SUPT3H: variants seen among roughly 807,000 people sequenced by gnomAD.
SUPT3H encodes transcription initiation protein SPT3 homolog.
SUPT3H carries 44 observed loss-of-function variants against 44.3 expected under a neutral mutation model. The observed-to-expected ratio is 0.99, with a 90% confidence interval of 0.78 to 1.28. The LOEUF is 1.28. SUPT3H is among the 50% of genes most tolerant of loss of function. The probability of loss-of-function intolerance (pLI) is 0.00; values close to 1 mark genes in which losing one functional copy is unlikely to be tolerated. For synonymous variants in SUPT3H, 124 were observed against 125.6 expected (o/e 0.99, Z 0.09); for missense variants, 380 against 387.1 (o/e 0.98, Z 0.15).
chr6:44,813,078 A>G (rs1039132600), intron 11 of SUPT3H, among the ~76,000 whole-genome samples: 1 of 152,018 alleles, frequency 6.6e-6, no homozygotes, highest in Non-Finnish European at 1.5e-5. Flanking sequence ...CTCAGCTGAG[A>G]CCCTAGGGAT....
chr6:44,993,057 G>C (rs1254508830), intron 6 of SUPT3H, among the ~76,000 whole-genome samples: 1 of 152,074 alleles, frequency 6.6e-6, no homozygotes, highest in Non-Finnish European at 1.5e-5. Flanking sequence ...CAACTACTTG[G>C]GAGGCTCAGG....
rs1791765333 is a variant in SUPT3H at position 45,060,181 on chromosome 6, T to C, written c.187-39549A>G. On this transcript the variant is annotated intron_variant, in intron 3 of 10. Coordinates refer to ENST00000371459, the MANE Select transcript of SUPT3H (RefSeq NM_003599.4). Reference sequence around the variant, plus strand: ...AAGAACAAAGCTGAAGGCATCATGCTACCTGACTTCAAACTATATTACAAG... The same window carrying C: ...AAGAACAAAGCTGAAGGCATCATGCCACCTGACTTCAAACTATATTACAAG... Among the ~76,000 whole-genome samples, 3 of 152,142 alleles carry C rather than the reference T, an allele frequency of 2.0e-5. No homozygotes were observed. In the South Asian group the frequency reaches 6.2e-4, roughly 31 times the overall value.
At chr6:45,139,853 C>A (rs772106457) in intron 2 of SUPT3H, among the ~76,000 whole-genome samples, 2 of 152,110 alleles carry the variant, frequency 1.3e-5, no homozygotes, top group Non-Finnish European at 2.9e-5. Flanking sequence ...AAGCTTCCCA[C>A]TGAAATTTGT....
At chr6:45,073,310 C>T (rs1401276224) in intron 3 of SUPT3H, among the ~76,000 whole-genome samples, 2 of 151,962 alleles carry the variant, frequency 1.3e-5, no homozygotes, top group African/African-American at 2.4e-5. Flanking sequence ...CTAGTATCTA[C>T]ATATACCTTG....
intron 10 of SUPT3H, among the ~76,000 whole-genome samples, chr6:44,917,358 T>A (rs138744500): frequency 1.4e-4 from 22 of 152,354 alleles, no homozygotes; most frequent in African/African-American, 5.3e-4. Flanking sequence ...CACATACATA[T>A]ACATGTTTAC....
At chr6:45,372,171 T>C (rs1796159227) in intron 1 of SUPT3H, 1 of 260,838 alleles carries the variant, frequency 3.8e-6, no homozygotes, top group South Asian at 1.5e-4. Flanking sequence ...TTATAGGCTC[T>C]AACACTTACA....
chr6:45,146,597 TTTTG>T (rs904053893), intron 2 of SUPT3H, among the ~76,000 whole-genome samples: 1 of 152,168 alleles, frequency 6.6e-6, no homozygotes, highest in African/African-American at 2.4e-5. Flanking sequence ...AAAATAGATA[TTTTG>T]TTTCTTACTC....
intron 2 of SUPT3H, among the ~76,000 whole-genome samples, chr6:45,334,520 G>A (rs1269800248): frequency 6.9e-6 from 1 of 145,066 alleles, no homozygotes; most frequent in Non-Finnish European, 1.5e-5. Context: ...AATAAGGTTT[G>A]AATACATATA....
At chr6:45,037,838 T>C (rs1787918813) in intron 3 of SUPT3H, among the ~76,000 whole-genome samples, 1 of 151,866 alleles carries the variant, frequency 6.6e-6, no homozygotes, top group Non-Finnish European at 1.5e-5. Context: ...TAGTTATATC[T>C]AGATAACAAA....
At chr6:45,142,169 G>A (rs1805319689) in intron 2 of SUPT3H, among the ~76,000 whole-genome samples, 1 of 151,966 alleles carries the variant, frequency 6.6e-6, no homozygotes, top group African/African-American at 2.4e-5. Context: ...ACGAGAGAAA[G>A]ATAAAGTCTT....
At chr6:44,866,433 A>G (rs918943817) in intron 10 of SUPT3H, among the ~76,000 whole-genome samples, 3 of 151,984 alleles carry the variant, frequency 2.0e-5, no homozygotes, top group African/African-American at 7.3e-5. Flanking sequence ...AGCCTAGGTA[A>G]TATGTTGAGA....
At chr6:45,254,082 G>T (rs527911929) in intron 2 of SUPT3H, among the ~76,000 whole-genome samples, 1 of 151,596 alleles carries the variant, frequency 6.6e-6, no homozygotes, top group Non-Finnish European at 1.5e-5. Flanking sequence ...ATCTTTAAAT[G>T]AGTATTACTA....
chr6:45,092,228 T>C (rs903789520), intron 3 of SUPT3H, among the ~76,000 whole-genome samples: 1 of 152,076 alleles, frequency 6.6e-6, no homozygotes, highest in Admixed American at 6.6e-5. Flanking sequence ...AAAAAACACA[T>C]AAAGAAACTC....
chr6:44,987,811 G>A (rs1007335751), intron 6 of SUPT3H, among the ~76,000 whole-genome samples: 2 of 152,042 alleles, frequency 1.3e-5, no homozygotes, highest in African/African-American at 4.8e-5. Flanking sequence ...TTTTTTCTCA[G>A]TGCAACAAGA....
At chr6:45,086,492 G>T (rs1158478892) in intron 3 of SUPT3H, among the ~76,000 whole-genome samples, 3 of 151,956 alleles carry the variant, frequency 2.0e-5, no homozygotes, top group African/African-American at 7.2e-5. Context: ...ATGCTTGCAT[G>T]ACTAAATGTG....
chr6:45,181,921 A>C (rs577550277), intron 2 of SUPT3H, among the ~76,000 whole-genome samples: 9 of 152,016 alleles, frequency 5.9e-5, no homozygotes, highest in South Asian at 2.1e-4. Context: ...TACCTTGTCT[A>C]ATAAAACTGC....
intron 10 of SUPT3H, among the ~76,000 whole-genome samples, chr6:44,899,802 C>T (rs62436369): frequency 6.6e-6 from 1 of 152,024 alleles, no homozygotes; most frequent in Admixed American, 6.5e-5. Flanking sequence ...GTTATTCTTG[C>T]TCTCAAATGT....
intron 2 of SUPT3H, among the ~76,000 whole-genome samples, chr6:45,300,264 C>G (rs1413821231): frequency 6.6e-6 from 1 of 152,144 alleles, no homozygotes; most frequent in African/African-American, 2.4e-5. Flanking sequence ...TTGAATCGTA[C>G]ATCACAAGTA....
At chr6:45,110,445 C>T (rs945827432) in intron 2 of SUPT3H, among the ~76,000 whole-genome samples, 1 of 152,104 alleles carries the variant, frequency 6.6e-6, no homozygotes, top group African/African-American at 2.4e-5. Context: ...TAGCCCAATA[C>T]TATCTAAAAT....
Sources: gnomAD v4.1 joint callset for allele counts (sites outside exome capture counted in the v4.1 genomes callset) on GRCh38, gnomAD v4.1.1 for gene constraint, MANE v1.5 for transcripts, NCBI Gene and HGNC (gene_info 2026-07-23, HGNC 2026-07-21) for gene names.